Variants in RBM4 observed in about 807,000 individuals in gnomAD.
The protein encoded by RBM4 is RNA binding motif protein 4.
A neutral mutation model predicts 29.5 loss-of-function variants in RBM4; 7 were observed. The ratio of observed to expected loss-of-function variants is 0.24; its 90% CI spans 0.14 to 0.45. The LOEUF (loss-of-function observed/expected upper bound fraction) is 0.45. Ranked by LOEUF, RBM4 falls within the 20% of genes least tolerant of loss-of-function variation. The pLI is 1.00. For synonymous variants in RBM4, 220 were observed against 205.4 expected (o/e 1.07, Z -0.61); for missense variants, 387 against 502.3 (o/e 0.77, Z 2.19).
At chr11:66,664,971 G>C (rs2030380471) in intron 2 of RBM4, 1 of 152,262 alleles carries the variant, frequency 6.6e-6, no homozygotes, top group East Asian at 1.9e-4. Flanking sequence ...AACTGGGAGA[G>C]AATAAAAAGA....
At chr11:66,667,062 G>A (rs962957575) in exon 3 of RBM4, 1 of 152,094 alleles carries the variant, frequency 6.6e-6, no homozygotes, top group Non-Finnish European at 1.5e-5. Flanking sequence ...ACTGTACACA[G>A]CTGCTTTGTT....
At chr11:66,639,287 G>A (rs900000936) in intron 1 of RBM4, 2 of 172,172 alleles carry the variant, frequency 1.2e-5, no homozygotes, top group African/African-American at 2.4e-5. Context: ...AATGATGGCT[G>A]CTTTGGTTCC....
At chr11:66,668,378 A>G (rs1170060761), downstream of RBM4, 1 of 474,804 alleles carries the variant, frequency 2.1e-6, no homozygotes, top group Non-Finnish European at 3.7e-6. Flanking sequence ...TCTCACTAAC[A>G]AACTGAATTT....
chr11:66,642,842 G>A (rs1938527265), intron 2 of RBM4, among the ~76,000 whole-genome samples: 1 of 152,192 alleles, frequency 6.6e-6, no homozygotes, highest in Non-Finnish European at 1.5e-5. Context: ...GCCCAGTTAA[G>A]GGAGAAGTCT....
At chr11:66,658,857 T>A (rs571973472) in intron 2 of RBM4, among the ~76,000 whole-genome samples, 52 of 151,250 alleles carry the variant, frequency 3.4e-4, no homozygotes, top group African/African-American at 1.3e-3. Context: ...GAATTGCTTG[T>A]ACCTGGGAGG....
chr11:66,648,843 T>C (rs1938765292), downstream of RBM4, among the ~76,000 whole-genome samples: 1 of 151,392 alleles, frequency 6.6e-6, no homozygotes. Context: ...AATTTCTTGA[T>C]TCTATTAGAG....
At chr11:66,648,350 GTC>G (rs1030951995), downstream of RBM4, among the ~76,000 whole-genome samples, 2 of 149,934 alleles carry the variant, frequency 1.3e-5, no homozygotes, top group East Asian at 2.0e-4. Context: ...GTGAAACCCT[GTC>G]TCTGCAAAAA....
chr11:66,658,261 CAG>C (rs1341555011), intron 2 of RBM4, among the ~76,000 whole-genome samples: 48 of 146,748 alleles, frequency 3.3e-4, no homozygotes, highest in Non-Finnish European at 1.2e-4. Flanking sequence ...CTCCCGACCT[CAG>C]GTAATCCGCC....
chr11:66,640,157 C>G (rs1938374731), intron 2 of RBM4, 34 bp downstream of exon 2: 1 of 1,612,216 alleles, frequency 6.2e-7, no homozygotes, highest in Non-Finnish European at 8.5e-7. Flanking sequence ...GGGCTGAACA[C>G]AAGGCTGTGT....
At chr11:66,657,618 G>A (rs1938973762) in intron 2 of RBM4, among the ~76,000 whole-genome samples, 1 of 150,282 alleles carries the variant, frequency 6.7e-6, no homozygotes, top group South Asian at 2.1e-4. Context: ...GGGAGGTGGA[G>A]GGTGCAGTGA....
At chr11:66,655,914 A>T (rs1590871902) in intron 2 of RBM4, among the ~76,000 whole-genome samples, 2 of 151,758 alleles carry the variant, frequency 1.3e-5, no homozygotes, top group South Asian at 4.1e-4. Flanking sequence ...TTTTTTAAAC[A>T]CCCTTTCAAC....
At position 66,639,894 on chromosome 11, in the gene RBM4, T is replaced by C. The variant is rs1485236823; in HGVS notation, c.183T>C (p.His61=). The change falls in exon 2 of 4, where the codon CAT becomes CAC. Residue 61 remains histidine, a synonymous_variant. Transcript: ENST00000310092. ...GCAACCTGCACCATTACAAGCTTCA[T>C]GGGGTGAACATCAACGTGGAAGCCA... ...AIRNLHHYKL[H]GVNINVEASK... 6.2e-7 allele frequency: 1 copy of C among 1,614,052 alleles called. No individual in the cohort carries two copies. The highest frequency in any genetic ancestry group is 8.5e-7 in the Non-Finnish European group (1 of 1,180,020).
intron 2 of RBM4, among the ~76,000 whole-genome samples, chr11:66,659,918 G>C (rs919164121): frequency 6.6e-6 from 1 of 152,082 alleles, no homozygotes; most frequent in Non-Finnish European, 1.5e-5. Flanking sequence ...TGAAATGTAT[G>C]TAAATCAGAT....
At chr11:66,650,456 A>G (rs1327738058), downstream of RBM4, among the ~76,000 whole-genome samples, 1 of 152,066 alleles carries the variant, frequency 6.6e-6, no homozygotes, top group African/African-American at 2.4e-5. Flanking sequence ...CTGTAATCCC[A>G]TCTGCTTGGG....
intron 2 of RBM4, among the ~76,000 whole-genome samples, chr11:66,642,990 T>C (rs896576645): frequency 2.6e-5 from 4 of 152,186 alleles, no homozygotes; most frequent in Non-Finnish European, 5.9e-5. Flanking sequence ...ATTGGAGTCT[T>C]TTATTCGGTT....
At chr11:66,645,889 T>C in intron 3 of RBM4, 138 bp from the exon 4 acceptor site, 1 of 1,447,656 alleles carries the variant, frequency 6.9e-7, no homozygotes, top group East Asian at 2.5e-5. Flanking sequence ...TAGAGATTAC[T>C]GTGATACTGG....
intron 2 of RBM4, 193 bp downstream of exon 2, chr11:66,640,316 C>A (rs1405757774): frequency 2.7e-6 from 2 of 739,670 alleles, no homozygotes; most frequent in African/African-American, 1.8e-5. Context: ...CAAATGTCTC[C>A]TGGAGAAAAG....
intron 2 of RBM4, among the ~76,000 whole-genome samples, chr11:66,660,009 C>T (rs1006629131): frequency 3.9e-5 from 6 of 152,116 alleles, no homozygotes; most frequent in African/African-American, 1.4e-4. Context: ...TTTGAACGTG[C>T]CTTTCCTCTG....
chr11:66,666,027 A>C (rs1264625140), exon 3 of RBM4: 1 of 1,368,252 alleles, frequency 7.3e-7, no homozygotes. Flanking sequence ...TTCACAGTAA[A>C]CAAGCTTTCA....
Sources: gnomAD v4.1 joint callset for allele counts (sites outside exome capture counted in the v4.1 genomes callset) on GRCh38, gnomAD v4.1.1 for gene constraint, MANE v1.5 for transcripts, NCBI Gene and HGNC (gene_info 2026-07-23, HGNC 2026-07-21) for gene names.